The following TRAPPC9 variants were observed in gnomAD, a reference collection of about 807,000 sequenced individuals.
TRAPPC9 encodes the protein trafficking protein particle complex subunit 9, also known as IKK2 binding protein.
Under a neutral mutation model 124.0 loss-of-function variants are expected in TRAPPC9, and 83 were observed. The observed-to-expected ratio is 0.67, with a 90% CI of 0.56 to 0.80. The LOEUF (loss-of-function observed/expected upper bound fraction) is 0.80. TRAPPC9 is among the 30% of genes least tolerant of loss of function. TRAPPC9 has a pLI of 0.00. For synonymous variants in TRAPPC9, 638 were observed against 617.5 expected (o/e 1.03, Z -0.49); for missense variants, 1,302 against 1,508.3 (o/e 0.86, Z 2.27).
chr8:139,945,756 A>C (rs1834175868), intron 19 of TRAPPC9, among the ~76,000 whole-genome samples: 1 of 152,182 alleles, frequency 6.6e-6, no homozygotes, highest in Admixed American at 6.5e-5. Context: ...ATGTCAAATG[A>C]CTGAGTGATA....
intron 7 of TRAPPC9, among the ~76,000 whole-genome samples, chr8:140,377,333 T>C (rs756294856): frequency 1.3e-5 from 2 of 152,138 alleles, no homozygotes; most frequent in African/African-American, 4.8e-5. Context: ...AATTTCACCC[T>C]TGTGGCCCAG....
chr8:140,290,989 A>G lies in TRAPPC9; in HGVS notation c.1854+4T>C, dbSNP rs375346522. ...AAAAAGGTCAAATGATTGGTGATAC[A>G]TACCATGTTTTCAACTCGAAGTTCA... On this transcript the variant is annotated splice_donor_region_variant and intron_variant, in intron 12 of 22. Transcript: ENST00000438773. 4 of 1,613,710 alleles carry G rather than the reference A, an allele frequency of 2.5e-6. No homozygotes were observed. The highest frequency in any genetic ancestry group is 2.5e-6 in the Non-Finnish European group (3 of 1,179,578).
intron 16 of TRAPPC9, among the ~76,000 whole-genome samples, chr8:140,230,530 T>C (rs2063566675): frequency 6.6e-6 from 1 of 151,810 alleles, no homozygotes; most frequent in Non-Finnish European, 1.5e-5. Context: ...GAGAATGATG[T>C]GAACCCAGGA....
chr8:139,735,887 A>C (rs1818130535), intron 21 of TRAPPC9, among the ~76,000 whole-genome samples: 2 of 152,118 alleles, frequency 1.3e-5, no homozygotes, highest in South Asian at 4.1e-4. Flanking sequence ...CTTTCTAAGA[A>C]GAGGGGAAGG....
chr8:140,083,680 T>TTTTGTTTTTG (rs1297630678), intron 17 of TRAPPC9, among the ~76,000 whole-genome samples: 1 of 17,598 alleles, frequency 5.7e-5, no homozygotes, highest in African/African-American at 2.6e-4. Flanking sequence ...TTGTTTTTGT[T>TTTTGTTTTTG]TTTTGAGATG....
rs1829981881 is a variant in TRAPPC9, at chr8:139,885,923, T to A, written c.3011A>T (p.Asn1004Ile). The change falls in exon 21 of 23, where the codon AAC (asparagine) becomes ATC (isoleucine). Residue 1004 changes from asparagine (N) to isoleucine (I), a missense_variant. Physicochemically the swap from Asn to Ile is moderately radical, Grantham distance 149. Around this residue, in one of 3 missense-constraint regions of TRAPPC9, gnomAD observed 640 missense variants for 679.3 expected, o/e 0.94. Transcript: ENST00000438773. ...CTGCAGGTGCTCCAGGACGAGCTGG[T>A]TCAGGAGTCCTTCCACACTCGCCTC... ...SGEASVEGLL[N>I]QLVLEHLQLA... The A allele has an allele frequency of 2.9e-5, 45 of 1,574,146 alleles. 1 individual carries two copies. Among genetic ancestry groups the A allele is most frequent in the Non-Finnish European group, 3.6e-5 (42 of 1,159,162 alleles).
At chr8:139,802,914 G>A (rs1037820706) in intron 21 of TRAPPC9, among the ~76,000 whole-genome samples, 6 of 152,102 alleles carry the variant, frequency 3.9e-5, no homozygotes, top group Admixed American at 2.0e-4. Context: ...GTATGTCGGT[G>A]TGTGTTGTGT....
chr8:139,969,092 A>G (rs1835897831), intron 19 of TRAPPC9, among the ~76,000 whole-genome samples: 1 of 152,260 alleles, frequency 6.6e-6, no homozygotes, highest in Non-Finnish European at 1.5e-5. Flanking sequence ...CTGCACGTGG[A>G]TCGTGCATGT....
At chr8:140,194,063 C>T (rs546135891) in intron 17 of TRAPPC9, among the ~76,000 whole-genome samples, 3 of 152,178 alleles carry the variant, frequency 2.0e-5, no homozygotes, top group Admixed American at 6.5e-5. Context: ...GTAACCCTAG[C>T]GCTCCCAGGG....
At chr8:139,912,150 C>T (rs1831780789) in intron 19 of TRAPPC9, among the ~76,000 whole-genome samples, 3 of 152,142 alleles carry the variant, frequency 2.0e-5, no homozygotes, top group Non-Finnish European at 4.4e-5. Context: ...AAATATTATA[C>T]TCTAATGTTA....
chr8:139,841,986 T>G (rs759630596), intron 21 of TRAPPC9, among the ~76,000 whole-genome samples: 1 of 152,106 alleles, frequency 6.6e-6, no homozygotes, highest in South Asian at 2.1e-4. Flanking sequence ...ACCGGGGACA[T>G]GGGAGAGCCC....
chr8:140,375,538 G>A (rs2068412135), intron 7 of TRAPPC9, among the ~76,000 whole-genome samples: 1 of 152,216 alleles, frequency 6.6e-6, no homozygotes, highest in African/African-American at 2.4e-5. Context: ...AATACAGCCT[G>A]GAGCTGTAAA....
intron 4 of TRAPPC9, among the ~76,000 whole-genome samples, chr8:140,429,041 C>T (rs149005987): frequency 5.9e-5 from 9 of 151,972 alleles, no homozygotes; most frequent in African/African-American, 1.4e-4. Flanking sequence ...AAGCTCAGCC[C>T]GACTGCCAGG....
intron 21 of TRAPPC9, among the ~76,000 whole-genome samples, chr8:139,821,383 C>A (rs921839235): frequency 6.6e-6 from 1 of 152,248 alleles, no homozygotes; most frequent in Admixed American, 6.5e-5. Flanking sequence ...CACGTGGATG[C>A]TGCAGCCTGG....
intron 1 of TRAPPC9, chr8:140,456,727 C>A: frequency 1.1e-6 from 1 of 921,622 alleles, no homozygotes; most frequent in Non-Finnish European, 1.3e-6. Flanking sequence ...CTATGACTAC[C>A]TTAGAAACAC....
intron 17 of TRAPPC9, among the ~76,000 whole-genome samples, chr8:140,135,806 TAA>T (rs2061294367): frequency 6.6e-6 from 1 of 152,196 alleles, no homozygotes; most frequent in South Asian, 2.1e-4. Flanking sequence ...TACAATTTTT[TAA>T]AAGAGAGAAC....
intron 21 of TRAPPC9, among the ~76,000 whole-genome samples, chr8:139,761,276 G>A (rs577277058): frequency 2.6e-5 from 4 of 152,308 alleles, no homozygotes; most frequent in African/African-American, 9.6e-5. Context: ...TTTATAGGGT[G>A]CAGGGCAAGA....
chr8:139,756,447 G>C (rs527400372), intron 21 of TRAPPC9, among the ~76,000 whole-genome samples: 1 of 132,244 alleles, frequency 7.6e-6, no homozygotes, highest in Non-Finnish European at 1.6e-5. Context: ...GATGAGGACA[G>C]CAGGTCGCAG....
Position 139,984,457 on chromosome 8 carries a change from G to C in TRAPPC9, c.2810+4269C>G, listed in dbSNP as rs369806192. Reference sequence around the variant, plus strand: ...GGTTTAGCACAGCCTGGGGGTGGGGGGCCGGGGGGTGGTGGCAGGGGTGCC... The same window carrying C: ...GGTTTAGCACAGCCTGGGGGTGGGGCGCCGGGGGGTGGTGGCAGGGGTGCC... On this transcript the variant is annotated intron_variant, in intron 19 of 22. Transcript: ENST00000438773. This position sits in a 1 kb window ranked among gnomAD's most constrained non-coding sequence, Gnocchi z 4.3. Among the ~76,000 whole-genome samples, 6 of 152,178 alleles carry C rather than the reference G, an allele frequency of 3.9e-5. No homozygotes were observed. The highest frequency in any genetic ancestry group is 1.4e-4 in the African/African-American group (6 of 41,526).
Sources: allele counts gnomAD v4.1 joint callset (sites outside exome capture counted in the v4.1 genomes callset), GRCh38; gene constraint gnomAD v4.1.1; regional missense constraint gnomAD v4.1.1; non-coding constraint Gnocchi (gnomAD v3.1); transcripts MANE v1.5; gene names NCBI Gene and HGNC (gene_info 2026-07-23, HGNC 2026-07-21).